LIMCH1: variants seen among roughly 807,000 people sequenced by gnomAD.
LIMCH1 encodes LIM and calponin homology domains 1.
LIMCH1 carries 113 observed loss-of-function variants against 176.5 expected under a neutral mutation model. The ratio of observed to expected loss-of-function variants is 0.64; its 90% CI spans 0.55 to 0.75. The LOEUF (loss-of-function observed/expected upper bound fraction) is 0.75. Among genes scored for constraint, LIMCH1 ranks in the 30% least tolerant of loss-of-function variants. LIMCH1 has a pLI of 0.00. For missense variants in LIMCH1, 1,674 were observed against 1,814.9 expected (o/e 0.92, Z 1.41); for synonymous variants, 619 against 645.9 (o/e 0.96, Z 0.63).
intron 1 of LIMCH1, among the ~76,000 whole-genome samples, chr4:41,403,243 T>C (rs1227197211): frequency 2.0e-5 from 3 of 152,156 alleles, no homozygotes; most frequent in African/African-American, 7.2e-5. Context: ...GGTTGATTTA[T>C]AGCATGGTAT....
chr4:41,553,940 C>T (rs571422349), intron 1 of LIMCH1, among the ~76,000 whole-genome samples: 27 of 152,172 alleles, frequency 1.8e-4, no homozygotes, highest in Non-Finnish European at 3.4e-4. Context: ...AGTGAATTCT[C>T]AAGCTCAGTA....
chr4:41,663,517 G>C (rs573762138), intron 20 of LIMCH1, among the ~76,000 whole-genome samples: 1 of 152,188 alleles, frequency 6.6e-6, no homozygotes, highest in South Asian at 2.1e-4. Context: ...TGGTAATTCT[G>C]ATGCCACTGG....
At chr4:41,443,259 G>A (rs1432234263) in intron 1 of LIMCH1, among the ~76,000 whole-genome samples, 8 of 55,238 alleles carry the variant, frequency 1.4e-4, no homozygotes, top group Non-Finnish European at 2.1e-4. Context: ...GCCGGACTGC[G>A]GACTGCAGTG....
intron 1 of LIMCH1, among the ~76,000 whole-genome samples, chr4:41,481,737 G>A (rs974093717): frequency 1.3e-5 from 2 of 152,140 alleles, no homozygotes; most frequent in African/African-American, 2.4e-5. Flanking sequence ...TGTGTTACTC[G>A]GGGAGGGAGA....
chr4:41,646,554 C>G lies in LIMCH1; in HGVS notation c.2481C>G (p.Ile827Met). The G allele has an allele frequency of 1.2e-6, 2 of 1,614,146 alleles. No homozygotes were observed. Among genetic ancestry groups the G allele is most frequent in the Non-Finnish European group, 1.7e-6 (2 of 1,180,014 alleles). ...GGTCCCAGGAGGAGGCAGAGGGGAT[C>G]CTTCAACAGTACATTGAGAGGTTCA... is the stretch of plus-strand genomic sequence containing the variant. ...NARSQEEAEG[I>M]LQQYIERFTI... is the part of the protein sequence containing the mutation. Residue 827 changes from isoleucine (I) to methionine (M), a missense_variant, in exon 17 of 32, where the codon ATC becomes ATG. This residue lies in a region of LIMCH1 where 1,015 missense variants were observed against 1,102.5 expected (regional missense o/e 0.92). Transcript: ENST00000503057.
chr4:41,663,091 T>A, intron 20 of LIMCH1, 107 bp downstream of exon 20: 1 of 1,041,028 alleles, frequency 9.6e-7, no homozygotes, highest in African/African-American at 1.6e-5. Context: ...TTTATTTCTC[T>A]CCTCATCTTT....
intron 1 of LIMCH1, among the ~76,000 whole-genome samples, chr4:41,412,834 T>A (rs1307334528): frequency 1.3e-5 from 2 of 151,906 alleles, no homozygotes; most frequent in Non-Finnish European, 2.9e-5. Flanking sequence ...AGAGAAAAAA[T>A]TAAAAGGGAA....
chr4:41,531,503 CACACACACACACAT>C lies in LIMCH1; in HGVS notation c.237+7032_237+7045del, dbSNP rs1455879064. ...ACACACACACACACACACACACACA[CACACACACACACAT>C]ACACACCTTATACTTGCCAACTCTC... On this transcript the variant is annotated intron_variant, in intron 3 of 26. Coordinates refer to the LIMCH1 transcript ENST00000313860. 6.2e-4 allele frequency among the ~76,000 whole-genome samples: 89 copies of C among 143,904 alleles called. 1 individual carries two copies. Among genetic ancestry groups the C allele is most frequent in the African/African-American group, 1.4e-3 (51 of 36,702 alleles). 94.4% of individuals were successfully genotyped at this position (143,904 alleles called of 152,430 possible).
intron 10 of LIMCH1, 24 bp from the exon 11 acceptor site, chr4:41,632,725 C>T: frequency 6.6e-7 from 1 of 1,518,608 alleles, no homozygotes; most frequent in Non-Finnish European, 8.8e-7. Flanking sequence ...TCTCTTGCCA[C>T]CAATGCTACT....
chr4:41,444,351 C>T lies in LIMCH1; in HGVS notation c.97-50185C>T, dbSNP rs918162752. ...ACACACACACACACACACACACACACACATATATAGAGTGCAGGGCATAGC... is the reference window on the plus strand; with the variant it reads ...ACACACACACACACACACACACACATACATATATAGAGTGCAGGGCATAGC... On this transcript the variant is annotated intron_variant, in intron 1 of 26. Coordinates refer to the LIMCH1 transcript ENST00000313860. 1.8e-3 allele frequency among the ~76,000 whole-genome samples: 246 copies of T among 135,032 alleles called. 1 individual carries two copies. The highest frequency in any genetic ancestry group is 6.3e-3 in the African/African-American group (232 of 36,802). The allele number at this position is 135,032 out of a possible 152,430, so 88.6% of individuals were successfully genotyped here.
At chr4:41,500,024 C>G (rs926372449) in intron 2 of LIMCH1, among the ~76,000 whole-genome samples, 18 of 152,126 alleles carry the variant, frequency 1.2e-4, no homozygotes, top group African/African-American at 2.2e-4. Context: ...TGGTTAAATC[C>G]AGGTTAGACA....
At chr4:41,476,456 T>G (rs1028411090) in intron 1 of LIMCH1, among the ~76,000 whole-genome samples, 126 of 152,332 alleles carry the variant, frequency 8.3e-4, no homozygotes, top group African/African-American at 3.0e-3. Flanking sequence ...GGTTCACTCC[T>G]GTGCAGGCCA....
chr4:41,419,502 A>C (rs549890019), intron 1 of LIMCH1, among the ~76,000 whole-genome samples: 1 of 151,922 alleles, frequency 6.6e-6, no homozygotes, highest in Non-Finnish European at 1.5e-5. Flanking sequence ...TAATGCCTAC[A>C]ATAACCCTTT....
At chr4:41,409,468 C>T (rs1399118865) in intron 1 of LIMCH1, among the ~76,000 whole-genome samples, 1 of 152,078 alleles carries the variant, frequency 6.6e-6, no homozygotes, top group Non-Finnish European at 1.5e-5. Context: ...GAAAATGTAT[C>T]TAGTGATAAC....
chr4:41,648,600 A>G (rs1269784165), intron 17 of LIMCH1, among the ~76,000 whole-genome samples: 1 of 151,874 alleles, frequency 6.6e-6, no homozygotes, highest in African/African-American at 2.4e-5. Flanking sequence ...TCAAAGTAAC[A>G]TGCAAATCAG....
chr4:41,364,112 T>A (rs141974629), intron 1 of LIMCH1, among the ~76,000 whole-genome samples: 269 of 152,288 alleles, frequency 1.8e-3, no homozygotes, highest in Non-Finnish European at 3.0e-3. Flanking sequence ...ATAGCTCTAG[T>A]TGTTAGCAAC....
chr4:41,684,002 C>A (rs1241673209), intron 26 of LIMCH1, among the ~76,000 whole-genome samples: 2 of 152,202 alleles, frequency 1.3e-5, no homozygotes, highest in Admixed American at 1.3e-4. Context: ...CCTTTTATCT[C>A]CTCCATCTGT....
chr4:41,655,762 C>G (rs1213470097), intron 18 of LIMCH1, among the ~76,000 whole-genome samples: 2 of 151,872 alleles, frequency 1.3e-5, no homozygotes. Context: ...CTCCGGGGCT[C>G]AAGGGATACT....
chr4:41,683,369 G>T (rs905075175), intron 26 of LIMCH1, among the ~76,000 whole-genome samples: 2 of 152,218 alleles, frequency 1.3e-5, no homozygotes, highest in Admixed American at 6.5e-5. Flanking sequence ...TGTGGCTGAG[G>T]GTTGTAATGG....
Sources: gnomAD v4.1 joint callset for allele counts (sites outside exome capture counted in the v4.1 genomes callset) on GRCh38, gnomAD v4.1.1 for gene constraint, gnomAD v4.1.1 regional missense constraint, MANE v1.5 for transcripts, NCBI Gene and HGNC (gene_info 2026-07-23, HGNC 2026-07-21) for gene names.